PRKG1: variants seen among roughly 807,000 people sequenced by gnomAD.
The protein encoded by PRKG1 is protein kinase cGMP-dependent 1, also known as cGMP-dependent protein kinase 1.
A neutral mutation model predicts 88.1 loss-of-function variants in PRKG1; 35 were observed. The ratio of observed to expected loss-of-function variants is 0.40; its 90% CI spans 0.30 to 0.53. The LOEUF is 0.53. Ranked by LOEUF, PRKG1 falls within the 20% of genes least tolerant of loss-of-function variation. The pLI, the probability that PRKG1 is intolerant of heterozygous loss-of-function variation, is 0.59. For missense variants in PRKG1, 540 were observed against 839.8 expected (o/e 0.64, Z 4.41); for synonymous variants, 303 against 292.5 (o/e 1.04, Z -0.37).
chr10:51,818,582 C>T (rs1423484233), intron 4 of PRKG1, among the ~76,000 whole-genome samples: 3 of 152,148 alleles, frequency 2.0e-5, no homozygotes, highest in African/African-American at 4.8e-5. Flanking sequence ...TTATACTACA[C>T]TATACAATGT....
intron 2 of PRKG1, among the ~76,000 whole-genome samples, chr10:51,465,113 TG>T (rs1402848978): frequency 6.6e-6 from 1 of 152,162 alleles, no homozygotes; most frequent in Admixed American, 6.5e-5. Flanking sequence ...CAACTGAGTA[TG>T]GTGGTCGTGG....
intron 3 of PRKG1, among the ~76,000 whole-genome samples, chr10:51,649,066 G>A (rs1839980095): frequency 6.6e-6 from 1 of 152,100 alleles, no homozygotes; most frequent in Admixed American, 6.5e-5. Flanking sequence ...AGTATCTATA[G>A]AAGGCCTAAT....
chr10:52,251,482 C>T, intron 9 of PRKG1, 88 bp from the exon 10 acceptor site: 1 of 1,013,648 alleles, frequency 9.9e-7, no homozygotes, highest in Non-Finnish European at 1.5e-6. Context: ...AACCCTGTTC[C>T]ACAGTCATGT....
At chr10:51,077,183 A>G (rs1027849366) in intron 1 of PRKG1, among the ~76,000 whole-genome samples, 1 of 152,228 alleles carries the variant, frequency 6.6e-6, no homozygotes, top group African/African-American at 2.4e-5. Context: ...AAACCTGCCA[A>G]ACCAAAGAAG....
intron 7 of PRKG1, among the ~76,000 whole-genome samples, chr10:52,113,736 T>A (rs368694099): frequency 2.8e-4 from 43 of 152,150 alleles, no homozygotes; most frequent in African/African-American, 1.0e-3. Flanking sequence ...ATAATTAAAA[T>A]CACTAGGTAC....
At chr10:51,735,930 C>CTTTTT (rs1180307253) in intron 3 of PRKG1, among the ~76,000 whole-genome samples, 37 of 74,960 alleles carry the variant, frequency 4.9e-4, no homozygotes, top group Admixed American at 7.8e-4. Flanking sequence ...TTTAAGTTGT[C>CTTTTT]TTTTTTTTTT....
Position 51,029,349 on chromosome 10 carries a change from A to G in PRKG1, c.266+37705A>G, listed in dbSNP as rs144400094. Reference sequence around the variant, plus strand: ...TCATCAGATCAGCATCTGCTGCTCTAGAAAGAAGCTCCTCATCTTTGCCTA... The same window carrying G: ...TCATCAGATCAGCATCTGCTGCTCTGGAAAGAAGCTCCTCATCTTTGCCTA... On this transcript the variant is annotated intron_variant, in intron 1 of 17. Coordinates refer to the PRKG1 transcript ENST00000401604. Among the ~76,000 whole-genome samples, 243 of 152,338 alleles carry G rather than the reference A, an allele frequency of 1.6e-3. 1 individual carries two copies. Among genetic ancestry groups the G allele is most frequent in the African/African-American group, 5.8e-3 (240 of 41,588 alleles).
chr10:51,171,098 C>T (rs1193562296), intron 2 of PRKG1, among the ~76,000 whole-genome samples: 2 of 152,056 alleles, frequency 1.3e-5, no homozygotes, highest in East Asian at 1.9e-4. Flanking sequence ...TTTGAAAGCT[C>T]AGCCAATAGT....
intron 1 of PRKG1, among the ~76,000 whole-genome samples, chr10:50,993,745 C>T (rs1385339910): frequency 6.6e-6 from 1 of 152,234 alleles, no homozygotes; most frequent in Non-Finnish European, 1.5e-5. Context: ...GAGAAAAGCC[C>T]TCCTTCCCAG....
At chr10:51,228,872 A>G (rs1012286836) in intron 2 of PRKG1, among the ~76,000 whole-genome samples, 5 of 152,016 alleles carry the variant, frequency 3.3e-5, no homozygotes, top group African/African-American at 1.2e-4. Flanking sequence ...TCCTGCTTAC[A>G]TTTTCTCTAT....
chr10:51,931,467 A>G (rs1376909326), intron 5 of PRKG1, among the ~76,000 whole-genome samples: 1 of 152,176 alleles, frequency 6.6e-6, no homozygotes. Context: ...ATAAAAATCT[A>G]AAATGAAATA....
intron 3 of PRKG1, among the ~76,000 whole-genome samples, chr10:51,658,601 C>T (rs778121041): frequency 4.0e-5 from 6 of 151,840 alleles, no homozygotes; most frequent in Non-Finnish European, 8.8e-5. Context: ...TCATCTAAAA[C>T]TCATTCTTCA....
intron 9 of PRKG1, among the ~76,000 whole-genome samples, chr10:52,182,817 A>G (rs1394052316): frequency 6.6e-6 from 1 of 151,740 alleles, no homozygotes; most frequent in Non-Finnish European, 1.5e-5. Flanking sequence ...TACCAGTACC[A>G]TGCTGTTTTG....
At position 51,586,556 on chromosome 10, in the gene PRKG1, C is replaced by T. The variant is rs547089097; in HGVS notation, c.592+118720C>T. Among the ~76,000 whole-genome samples the T allele has an allele frequency of 2.4e-3, 371 of 152,204 alleles. 3 individuals are homozygous for T. Among genetic ancestry groups the T allele is most frequent in the African/African-American group, 8.6e-3 (357 of 41,548 alleles). ...TGTTCTCCCTTCACATTTATTAAAA[C>T]TTTATTAAAATGTTAGCCTCCTTTA... On this transcript the variant is annotated intron_variant, in intron 3 of 17. Transcript: ENST00000373980.
chr10:51,632,460 G>A (rs903753170), intron 3 of PRKG1, among the ~76,000 whole-genome samples: 4 of 152,132 alleles, frequency 2.6e-5, no homozygotes, highest in East Asian at 1.9e-4. Flanking sequence ...CACACCCATC[G>A]CAGTCAAGTA....
At chr10:51,096,305 A>G (rs529622305) in intron 1 of PRKG1, among the ~76,000 whole-genome samples, 14 of 152,154 alleles carry the variant, frequency 9.2e-5, no homozygotes, top group Non-Finnish European at 1.5e-5. Flanking sequence ...ATTAACCCTT[A>G]TGTTGCATTT....
chr10:51,144,487 G>T (rs1845893356), intron 1 of PRKG1, among the ~76,000 whole-genome samples: 1 of 151,978 alleles, frequency 6.6e-6, no homozygotes, highest in South Asian at 2.1e-4. Context: ...TAATAATTAT[G>T]AATAGTGGTA....
intron 4 of PRKG1, among the ~76,000 whole-genome samples, chr10:51,812,518 T>G (rs2132626031): frequency 6.6e-6 from 1 of 152,206 alleles, no homozygotes; most frequent in Non-Finnish European, 1.5e-5. Flanking sequence ...TCAGATACAG[T>G]GGTTATGCCA....
At position 52,296,689 on chromosome 10, in the gene PRKG1, G is replaced by T. The variant is rs1039395750; in HGVS notation, c.*2789G>T. 1.3e-5 allele frequency: 2 copies of T among 152,028 alleles called. No homozygotes were observed. Among genetic ancestry groups the T allele is most frequent in the African/African-American group, 2.4e-5 (1 of 41,414 alleles). 9.4% of individuals were successfully genotyped at this position (152,028 alleles called of 1,614,324 possible). On this transcript the variant is annotated 3_prime_UTR_variant, in exon 18 of 18. Coordinates refer to ENST00000373980, the MANE Select transcript of PRKG1 (RefSeq NM_006258.4). ...AGTATGGGAAATAAGGGCTTTCTGTGTGTCTTGACTCACAGGAAAACTGAA... is the reference window on the plus strand; with the variant it reads ...AGTATGGGAAATAAGGGCTTTCTGTTTGTCTTGACTCACAGGAAAACTGAA...
Sources: allele counts gnomAD v4.1 joint callset (sites outside exome capture counted in the v4.1 genomes callset), GRCh38; gene constraint gnomAD v4.1.1; transcripts MANE v1.5; gene names NCBI Gene and HGNC (gene_info 2026-07-23, HGNC 2026-07-21).